GRIK4: variants seen among roughly 807,000 people sequenced by gnomAD.
GRIK4 encodes glutamate receptor ionotropic, kainate 4.
A neutral mutation model predicts 104.9 loss-of-function variants in GRIK4; 40 were observed. The observed-to-expected ratio is 0.38, with a 90% CI of 0.30 to 0.50. The LOEUF is 0.50. Among genes scored for constraint, GRIK4 ranks in the 20% least tolerant of loss-of-function variants. GRIK4 has a pLI of 0.93. For synonymous variants in GRIK4, 485 were observed against 524.9 expected, an observed-to-expected ratio of 0.92 and a Z score of 1.04; for missense variants, 1,047 against 1,308.1, an observed-to-expected ratio of 0.80 and a Z score of 3.08.
At chr11:120,517,501 C>T (rs1450077251) in intron 1 of GRIK4, among the ~76,000 whole-genome samples, 2 of 148,808 alleles carry the variant, frequency 1.3e-5, no homozygotes, top group African/African-American at 5.1e-5. Context: ...CGCCTGTGCA[C>T]CCCTGACTTC....
chr11:120,699,344 CT>C (rs1406096598), intron 3 of GRIK4, among the ~76,000 whole-genome samples: 1 of 152,230 alleles, frequency 6.6e-6, no homozygotes, highest in Non-Finnish European at 1.5e-5. Flanking sequence ...ACAGCCATGA[CT>C]GTAACCTGCA....
intron 8 of GRIK4, among the ~76,000 whole-genome samples, chr11:120,837,153 C>G (rs753924508): frequency 1.3e-5 from 2 of 152,194 alleles, no homozygotes; most frequent in Admixed American, 6.5e-5. Context: ...AGTCTAGTCT[C>G]TACATGGACT....
chr11:120,949,977 G>A (rs145645885), intron 14 of GRIK4, among the ~76,000 whole-genome samples: 1 of 152,328 alleles, frequency 6.6e-6, no homozygotes, highest in East Asian at 1.9e-4. Context: ...TTATTTGGAA[G>A]AAATGCCTAT....
intron 14 of GRIK4, among the ~76,000 whole-genome samples, chr11:120,946,597 T>A (rs1943866704): frequency 6.6e-6 from 1 of 152,252 alleles, no homozygotes; most frequent in Non-Finnish European, 1.5e-5. Context: ...GTTTGTTGAC[T>A]CACGTCTCCT....
chr11:120,606,204 T>G (rs191552899), intron 1 of GRIK4, among the ~76,000 whole-genome samples: 40 of 152,324 alleles, frequency 2.6e-4, no homozygotes, highest in Non-Finnish European at 3.1e-4. Flanking sequence ...AAGGACAGAT[T>G]CACGTTTTTC....
intron 3 of GRIK4, among the ~76,000 whole-genome samples, chr11:120,788,088 C>G (rs1274215604): frequency 6.6e-6 from 1 of 150,650 alleles, no homozygotes; most frequent in Non-Finnish European, 1.5e-5. Context: ...CCAGGATGGT[C>G]TCAATCTCCT....
chr11:120,587,229 A>G (rs1464749113), intron 1 of GRIK4, among the ~76,000 whole-genome samples: 1 of 152,138 alleles, frequency 6.6e-6, no homozygotes, highest in East Asian at 1.9e-4. Context: ...AACTGGAATG[A>G]AAAGAAGCCC....
chr11:120,933,713 A>G (rs1159581362), intron 13 of GRIK4, among the ~76,000 whole-genome samples: 1 of 152,214 alleles, frequency 6.6e-6, no homozygotes, highest in Non-Finnish European at 1.5e-5. Context: ...CTCTCACATA[A>G]TATTGATAGG....
intron 3 of GRIK4, among the ~76,000 whole-genome samples, chr11:120,761,451 A>C (rs1951748057): frequency 6.6e-6 from 1 of 152,154 alleles, no homozygotes. Context: ...TCTTTAGTTT[A>C]ATTAGATCCC....
At chr11:120,908,220 C>G (rs1942912111) in intron 13 of GRIK4, among the ~76,000 whole-genome samples, 1 of 152,158 alleles carries the variant, frequency 6.6e-6, no homozygotes. Context: ...TCAGAGCCAG[C>G]ATTTAAGCCC....
At chr11:120,726,179 AT>A (rs938242163) in intron 3 of GRIK4, among the ~76,000 whole-genome samples, 20 of 152,300 alleles carry the variant, frequency 1.3e-4, no homozygotes, top group African/African-American at 4.3e-4. Context: ...GAACATAGAG[AT>A]TATAGAGAGA....
chr11:120,780,711 G>GT (rs780695888), intron 3 of GRIK4, among the ~76,000 whole-genome samples: 36 of 151,552 alleles, frequency 2.4e-4, no homozygotes, highest in Non-Finnish European at 4.0e-4. Flanking sequence ...ATTATCCGGG[G>GT]TTTTTTTTGT....
chr11:120,947,363 T>C (rs1230756904), intron 14 of GRIK4, among the ~76,000 whole-genome samples: 2 of 150,522 alleles, frequency 1.3e-5, no homozygotes, highest in Admixed American at 6.6e-5. Flanking sequence ...GATTGCAACA[T>C]TGCACTCTAG....
intron 3 of GRIK4, among the ~76,000 whole-genome samples, chr11:120,787,307 C>T (rs1321425142): frequency 6.6e-6 from 1 of 152,012 alleles, no homozygotes; most frequent in Non-Finnish European, 1.5e-5. Flanking sequence ...CCAGCCTGGA[C>T]AGCAGAGTGA....
intron 3 of GRIK4, among the ~76,000 whole-genome samples, chr11:120,714,581 T>C (rs938996496): frequency 8.5e-5 from 13 of 152,154 alleles, no homozygotes; most frequent in African/African-American, 3.1e-4. Flanking sequence ...TGTGTCCTAA[T>C]AGAGGAAGTA....
rs200759037 is a variant in GRIK4, at chr11:120,582,242, C to CT, written c.-159+70368dup. 1.4e-3 allele frequency among the ~76,000 whole-genome samples: 191 copies of CT among 134,738 alleles called. 1 individual carries two copies. The East Asian group carries it at 0.016, about 11-fold the overall frequency. The allele number at this position is 134,738 out of a possible 152,430, so 88.4% of individuals were successfully genotyped here. ...TGAAAAGTAATAACAGTCTTTGTTT[C>CT]TTTTTTTTTTTTTAAATAGTATGTA... is the stretch of plus-strand genomic sequence containing the variant. On this transcript the variant is annotated intron_variant, in intron 1 of 20. Coordinates refer to ENST00000527524, the MANE Select transcript of GRIK4 (RefSeq NM_014619.5).
At chr11:120,789,889 G>C (rs1952362442) in intron 3 of GRIK4, among the ~76,000 whole-genome samples, 1 of 152,176 alleles carries the variant, frequency 6.6e-6, no homozygotes, top group Non-Finnish European at 1.5e-5. Context: ...ATAAATGCAT[G>C]AGGCCTTCCC....
chr11:120,925,973 CA>C (rs34815296), intron 13 of GRIK4, among the ~76,000 whole-genome samples: 38,566 of 119,820 alleles, frequency 0.32, 5,232 homozygotes, highest in Admixed American at 0.44. Flanking sequence ...GACTCCATCT[CA>C]AAAAAAAAAA....
intron 11 of GRIK4, chr11:120,894,549 A>C (rs1229309499): frequency 1.3e-5 from 2 of 152,242 alleles, no homozygotes; most frequent in African/African-American, 4.8e-5. Flanking sequence ...CTCCTCCTTC[A>C]CTGCAACCCC....
Sources: allele counts gnomAD v4.1 joint callset (sites outside exome capture counted in the v4.1 genomes callset), GRCh38; gene constraint gnomAD v4.1.1; transcripts MANE v1.5; gene names NCBI Gene and HGNC (gene_info 2026-07-23, HGNC 2026-07-21).